The following ATR variants were observed in gnomAD, a reference collection of about 807,000 sequenced individuals.
The protein encoded by ATR is ATR checkpoint kinase.
In ATR, 142 loss-of-function variants were observed where a neutral mutation model predicts 305.3. The observed-to-expected ratio is 0.47, with a 90% CI of 0.41 to 0.53. The LOEUF (loss-of-function observed/expected upper bound fraction) is 0.53. Ranked by LOEUF, ATR falls within the 20% of genes least tolerant of loss-of-function variation. The probability of loss-of-function intolerance (pLI) is 0.00; values close to 1 mark genes in which losing one functional copy is unlikely to be tolerated. For missense variants in ATR, 2,135 were observed against 3,133.1 expected (o/e 0.68, Z 7.60); for synonymous variants, 1,050 against 1,068.1 (o/e 0.98, Z 0.33).
At chr3:142,568,740 C>G (rs1036957313) in intron 1 of ATR, among the ~76,000 whole-genome samples, 1 of 152,240 alleles carries the variant, frequency 6.6e-6, no homozygotes, top group African/African-American at 2.4e-5. Context: ...GCTGCCTGGC[C>G]TCTCCCCGCT....
intron 1 of ATR, among the ~76,000 whole-genome samples, chr3:142,569,127 T>G (rs190051557): frequency 1.0e-3 from 152 of 152,268 alleles, no homozygotes; most frequent in Non-Finnish European, 2.0e-3. Context: ...GGCCCACCCA[T>G]GACTGCCTAT....
chr3:142,512,686 A>G (rs1577604597), intron 26 of ATR, among the ~76,000 whole-genome samples: 1 of 151,886 alleles, frequency 6.6e-6, no homozygotes, highest in Non-Finnish European at 1.5e-5. Flanking sequence ...AACCCTGTCT[A>G]TACTAAAAAT....
At position 142,466,483 on chromosome 3, in the gene ATR, A is replaced by T. The variant is rs960123667; in HGVS notation, c.6738T>A (p.Leu2246=). 7.4e-6 allele frequency: 12 copies of T among 1,613,816 alleles called. No homozygotes were observed. The Admixed American group carries it at 1.3e-4, about 18-fold the overall frequency. Residue 2246 remains leucine (L), a synonymous_variant, in exon 40 of 47, where the codon CTT becomes CTA. Transcript: ENST00000350721. ...TLSMSTHFKM[L]KKLVEEATFS... ...ATGTTGCTTCTTCTACCAGCTTTTT[A>T]AGCATTTTAAAATGAGTGCTCATGC... is the stretch of plus-strand genomic sequence containing the variant.
At chr3:142,479,231 G>T (rs941687754) in intron 36 of ATR, among the ~76,000 whole-genome samples, 2 of 152,134 alleles carry the variant, frequency 1.3e-5, no homozygotes, top group South Asian at 4.1e-4. Flanking sequence ...GGTACCGATT[G>T]TTCCTTTCCA....
intron 32 of ATR, among the ~76,000 whole-genome samples, chr3:142,497,830 T>C (rs1286835005): frequency 6.6e-6 from 1 of 152,128 alleles, no homozygotes; most frequent in Admixed American, 6.5e-5. Context: ...CAGATGATAG[T>C]AAAAAATTAT....
At chr3:142,457,088 G>C (rs148735909) in intron 45 of ATR, among the ~76,000 whole-genome samples, 62 of 152,166 alleles carry the variant, frequency 4.1e-4, no homozygotes, top group African/African-American at 1.5e-3. Flanking sequence ...AGAAAATGTA[G>C]TATATCCATA....
At chr3:142,505,426 G>T in intron 28 of ATR, 123 bp from the exon 29 acceptor site, 2 of 1,152,862 alleles carry the variant, frequency 1.7e-6, no homozygotes, top group Non-Finnish European at 2.5e-6. Flanking sequence ...CAAAGTAATA[G>T]TAAGCATTTG....
At chr3:142,497,321 T>C (rs2031707336) in intron 32 of ATR, 129 bp from the exon 33 acceptor site, 2 of 891,090 alleles carry the variant, frequency 2.2e-6, no homozygotes, top group Non-Finnish European at 3.4e-6. Context: ...AGAACTTTAA[T>C]ATATCCTTGC....
At chr3:142,538,904 T>C (rs563182556) in intron 18 of ATR, among the ~76,000 whole-genome samples, 1 of 152,148 alleles carries the variant, frequency 6.6e-6, no homozygotes, top group African/African-American at 2.4e-5. Flanking sequence ...AGAGGGTGGA[T>C]ATACAAAAAT....
chr3:142,514,757 G>A (rs1269135668), intron 25 of ATR, among the ~76,000 whole-genome samples: 7 of 143,642 alleles, frequency 4.9e-5, no homozygotes, highest in African/African-American at 2.6e-5. Flanking sequence ...ACAGTGAGCC[G>A]AGATCGCACC....
intron 13 of ATR, among the ~76,000 whole-genome samples, chr3:142,552,860 A>T (rs2034523632): frequency 1.3e-5 from 2 of 152,124 alleles, no homozygotes; most frequent in South Asian, 2.1e-4. Context: ...ACACAGGAAC[A>T]GAAAACCAAA....
intron 10 of ATR, among the ~76,000 whole-genome samples, chr3:142,554,376 C>A (rs1412035925): frequency 6.6e-6 from 1 of 152,018 alleles, no homozygotes; most frequent in African/African-American, 2.4e-5. Context: ...CACAGGCATG[C>A]ACCACCATGC....
chr3:142,538,539 A>T lies in ATR; in HGVS notation c.3668T>A (p.Ile1223Lys), dbSNP rs766979796. The T allele has an allele frequency of 6.2e-7, 1 of 1,613,486 alleles. No individual in the cohort carries two copies. Among genetic ancestry groups the T allele is most frequent in the South Asian group, 1.1e-5 (1 of 91,052 alleles). ...SHVIVALLPL[I>K]HIQPKETAAI... is the part of the protein sequence containing the mutation. ...TGCAGTTTCTTTAGGCTGGATGTGT[A>T]TAAGAGGTAACAAAGCTACTATTAC... The change falls in exon 19 of 47, where the codon ATA becomes AAA. Residue 1223 changes from isoleucine to lysine, a missense_variant. Ile to Lys is a moderately radical substitution (Grantham distance 102, BLOSUM62 -3). Transcript: ENST00000350721.
intron 16 of ATR, among the ~76,000 whole-genome samples, chr3:142,543,661 T>C (rs2034149428): frequency 6.6e-6 from 1 of 151,892 alleles, no homozygotes; most frequent in African/African-American, 2.4e-5. Flanking sequence ...TCTCTCTTTT[T>C]TCTTTTCTCT....
intron 4 of ATR, 113 bp downstream of exon 4, chr3:142,562,119 A>G (rs952949677): frequency 1.7e-6 from 2 of 1,164,840 alleles, no homozygotes; most frequent in Non-Finnish European, 2.4e-6. Flanking sequence ...TGTTCCAAAT[A>G]TAAATTACTA....
intron 46 of ATR, chr3:142,450,274 T>G: frequency 1.3e-6 from 1 of 755,420 alleles, no homozygotes; most frequent in Non-Finnish European, 2.3e-6. Flanking sequence ...CTTTCCCTTT[T>G]GCAGTTGCAA....
chr3:142,491,920 T>C (rs1577561257), intron 35 of ATR, among the ~76,000 whole-genome samples: 1 of 152,256 alleles, frequency 6.6e-6, no homozygotes, highest in East Asian at 1.9e-4. Flanking sequence ...TCCTGTCATT[T>C]CTAGAACTAT....
chr3:142,515,734 T>A (rs550334574), intron 24 of ATR, among the ~76,000 whole-genome samples: 1 of 152,088 alleles, frequency 6.6e-6, no homozygotes, highest in Non-Finnish European at 1.5e-5. Flanking sequence ...CTTCCTCAGA[T>A]CCTTCCAACT....
chr3:142,496,594 T>G (rs1287359993), intron 33 of ATR, 74 bp from the exon 34 acceptor site: 3 of 1,493,602 alleles, frequency 2.0e-6, no homozygotes, highest in Admixed American at 1.7e-5. Flanking sequence ...TAAAACAATT[T>G]AAATCTAGGT....
Sources: allele counts gnomAD v4.1 joint callset (sites outside exome capture counted in the v4.1 genomes callset), GRCh38; gene constraint gnomAD v4.1.1; transcripts MANE v1.5; gene names NCBI Gene and HGNC (gene_info 2026-07-23, HGNC 2026-07-21).